Variants in TRAPPC11 observed in about 807,000 individuals in gnomAD.
TRAPPC11 encodes the protein foie gras homolog.
In TRAPPC11, 104 loss-of-function variants were observed where a neutral mutation model predicts 151.2. The observed-to-expected ratio is 0.69, with a 90% CI of 0.59 to 0.81. The LOEUF (loss-of-function observed/expected upper bound fraction) is 0.81. TRAPPC11 is among the 30% of genes least tolerant of loss of function. TRAPPC11 has a pLI of 0.00. For synonymous variants in TRAPPC11, 456 were observed against 472.3 expected (o/e 0.97, Z 0.45); for missense variants, 1,230 against 1,349.6 (o/e 0.91, Z 1.39).
At position 183,697,678 on chromosome 4, in the gene TRAPPC11, G is replaced by A; in HGVS notation, c.2695-1G>A. The A allele has an allele frequency of 6.2e-7, 1 of 1,613,778 alleles. No homozygotes were observed. Among genetic ancestry groups the A allele is most frequent in the Non-Finnish European group, 8.5e-7 (1 of 1,179,898 alleles). ...AGACCTTTTATCTTCATTTGTGACA[G>A]TTTGAGCACCTGGAAAGGGTTTATG... On this transcript the variant is annotated splice_acceptor_variant, in intron 24 of 29. Transcript: ENST00000334690. LOFTEE classifies it high-confidence loss of function.
intron 3 of TRAPPC11, chr4:183,666,748 C>A (rs1168857687): frequency 7.8e-6 from 3 of 386,002 alleles, no homozygotes; most frequent in East Asian, 8.1e-5. Flanking sequence ...ATAATTAATT[C>A]TTTTGGATGA....
Position 183,697,823 on chromosome 4 carries a change from C to A in TRAPPC11, c.2839C>A (p.Gln947Lys), listed in dbSNP as rs1736618451. The stretch of plus-strand genomic sequence containing the variant: ...GACCACAGTGGACCAGCTCGAGTCT[C>A]AAGTGGACAATGGTGAGTCTGGTTC... ...SMTTVDQLES[Q>K]VDNVILQTGE... The change falls in exon 25 of 30, where the codon CAA becomes AAA. Residue 947 changes from glutamine to lysine, a missense_variant. Gln to Lys is a moderately conservative substitution (Grantham distance 53). Transcript: ENST00000334690. The A allele has an allele frequency of 6.2e-7, 1 of 1,613,476 alleles. No homozygotes were observed. Among genetic ancestry groups the A allele is most frequent in the Admixed American group, 1.7e-5 (1 of 59,956 alleles).
chr4:183,667,937 A>G lies in TRAPPC11; in HGVS notation c.446-66A>G, dbSNP rs1168062197. 18 of 1,083,482 alleles carry G rather than the reference A, an allele frequency of 1.7e-5. 1 individual carries two copies. The South Asian group carries it at 2.3e-4, about 14-fold the overall frequency. 67.1% of individuals were successfully genotyped at this position (1,083,482 alleles called of 1,614,324 possible). The stretch of plus-strand genomic sequence containing the variant: ...ATTCTATTTTTTCAGACTTGGGGAA[A>G]TATTTATTTGGGAAGCTACATTAGT... On this transcript the variant is annotated intron_variant, in intron 4 of 29. Transcript: ENST00000334690.
chr4:183,690,936 C>G (rs1193103041), intron 18 of TRAPPC11, among the ~76,000 whole-genome samples: 1 of 152,020 alleles, frequency 6.6e-6, no homozygotes, highest in Non-Finnish European at 1.5e-5. Flanking sequence ...CCACTGCACT[C>G]CAGGTAGGAA....
intron 4 of TRAPPC11, 43 bp downstream of exon 4, chr4:183,667,173 AATTCTT>A: frequency 6.7e-7 from 1 of 1,486,766 alleles, no homozygotes; most frequent in Middle Eastern, 1.8e-4. Context: ...TTATACCTCC[AATTCTT>A]ATTAAAGGGA....
Position 183,697,817 on chromosome 4 carries a change from G to C in TRAPPC11, c.2833G>C (p.Glu945Gln), listed in dbSNP as rs200260429. The part of the protein sequence containing the change: ...APSMTTVDQL[E>Q]SQVDNVILQT... ...ATCCATGACCACAGTGGACCAGCTC[G>C]AGTCTCAAGTGGACAATGGTGAGTC... is the stretch of plus-strand genomic sequence containing the variant. The change falls in exon 25 of 30, where the codon GAG becomes CAG. Residue 945 changes from glutamate (E) to glutamine (Q), a missense_variant. Transcript: ENST00000334690. The C allele has an allele frequency of 2.5e-6, 4 of 1,613,690 alleles. No homozygotes were observed. The highest frequency in any genetic ancestry group is 2.5e-6 in the Non-Finnish European group (3 of 1,179,992).
chr4:183,710,650 C>T (rs368005346), intron 29 of TRAPPC11, among the ~76,000 whole-genome samples: 1 of 151,968 alleles, frequency 6.6e-6, no homozygotes, highest in African/African-American at 2.4e-5. Context: ...AGTACAGATA[C>T]CACTTTCTAG....
Position 183,680,240 on chromosome 4 carries a change from G to A in TRAPPC11, c.1086G>A (p.Gln362=). 6.2e-7 allele frequency: 1 copy of A among 1,613,836 alleles called. No individual in the cohort carries two copies. Among genetic ancestry groups the A allele is most frequent in the Non-Finnish European group, 8.5e-7 (1 of 1,179,918 alleles). ...CATACTATGCCCAGGAGCGGAAACA[G>A]CTTGCAAAAACCCTCTGTAACCACG... ...QAAYYAQERK[Q]LAKTLCNHEA... is the part of the protein sequence containing the mutation. Residue 362 remains glutamine (Q), a synonymous_variant, in exon 10 of 30, where the codon CAG becomes CAA. Coordinates refer to ENST00000334690, the MANE Select transcript of TRAPPC11 (RefSeq NM_021942.6).
chr4:183,693,507 C>T (rs1736364330), intron 20 of TRAPPC11, 82 bp from the exon 21 acceptor site: 6 of 1,459,722 alleles, frequency 4.1e-6, no homozygotes, highest in Non-Finnish European at 5.5e-6. Context: ...CACCCAGCCT[C>T]TTATTTCTTT....
At chr4:183,704,381 C>T (rs965189029) in intron 26 of TRAPPC11, among the ~76,000 whole-genome samples, 5 of 151,840 alleles carry the variant, frequency 3.3e-5, no homozygotes, top group Admixed American at 1.3e-4. Flanking sequence ...ATTAGCTGGG[C>T]GTGGCTTCAC....
At chr4:183,677,150 T>G (rs1184011319) in intron 7 of TRAPPC11, among the ~76,000 whole-genome samples, 1 of 152,272 alleles carries the variant, frequency 6.6e-6, no homozygotes, top group Non-Finnish European at 1.5e-5. Context: ...TACTTATGTT[T>G]TTTAACAGAA....
At chr4:183,706,351 G>C (rs184336229) in intron 27 of TRAPPC11, among the ~76,000 whole-genome samples, 1 of 152,012 alleles carries the variant, frequency 6.6e-6, no homozygotes, top group Non-Finnish European at 1.5e-5. Context: ...GTGAAACCCC[G>C]TCTCTATTAA....
intron 1 of TRAPPC11, among the ~76,000 whole-genome samples, chr4:183,661,863 G>C (rs980685150): frequency 6.9e-6 from 1 of 144,128 alleles, no homozygotes; most frequent in Non-Finnish European, 1.5e-5. Context: ...CTAGACTCAA[G>C]TGATCCTCCC....
rs187186876 is a variant in TRAPPC11 at position 183,702,402 on chromosome 4, A to G, written c.2963+594A>G. ...TTGCAATAGGAAAAAAATGGGGGAA[A>G]AAAACGTAAATGCCCATCAATAGAA... On this transcript the variant is annotated intron_variant, in intron 26 of 29. Coordinates refer to ENST00000334690, the MANE Select transcript of TRAPPC11 (RefSeq NM_021942.6). Among the ~76,000 whole-genome samples, 414 of 152,222 alleles carry G rather than the reference A, an allele frequency of 2.7e-3. 2 individuals carry two copies. The highest frequency in any genetic ancestry group is 9.0e-3 in the African/African-American group (376 of 41,558).
Position 183,666,295 on chromosome 4 carries a change from A to G in TRAPPC11, c.243A>G (p.Leu81=). 6.2e-7 allele frequency: 1 copy of G among 1,614,180 alleles called. No individual in the cohort carries two copies. Among genetic ancestry groups the G allele is most frequent in the Non-Finnish European group, 8.5e-7 (1 of 1,180,010 alleles). The change falls in exon 3 of 30, where the codon TTA becomes TTG. Residue 81 remains leucine (L), a synonymous_variant. Transcript: ENST00000334690. The part of the protein sequence containing the change: ...SYEWYIPKGI[L]KTGWMNKHLN... ...AGTGGTACATTCCTAAAGGGATCTT[A>G]AAGACTGGCTGGATGAATAAGCATC...
Position 183,706,804 on chromosome 4 carries a change from T to C in TRAPPC11, c.3056-3T>C, listed in dbSNP as rs201309690. 16 of 1,611,572 alleles carry C rather than the reference T, an allele frequency of 9.9e-6. No individual in the cohort carries two copies. The East Asian group carries it at 3.3e-4, about 34-fold the overall frequency. On this transcript the variant is annotated splice_polypyrimidine_tract_variant and splice_region_variant and intron_variant, in intron 27 of 29. Transcript: ENST00000334690. ...AAGAGAAGTGTGTCATCTTTCTCTG[T>C]AGATCTGCCGTCATTTGGGCGTGTC...
At chr4:183,697,108 G>A (rs1393372696) in intron 23 of TRAPPC11, among the ~76,000 whole-genome samples, 4 of 152,108 alleles carry the variant, frequency 2.6e-5, no homozygotes, top group Non-Finnish European at 2.9e-5. Context: ...AGGATCACTT[G>A]AGGCTAGGAG....
chr4:183,678,571 A>C (rs1735526372), intron 8 of TRAPPC11, among the ~76,000 whole-genome samples: 1 of 152,236 alleles, frequency 6.6e-6, no homozygotes, highest in Non-Finnish European at 1.5e-5. Flanking sequence ...TTGCAAGATG[A>C]ATAAAGTCAC....
chr4:183,672,719 C>T (rs1307613746), intron 5 of TRAPPC11, among the ~76,000 whole-genome samples: 1 of 152,192 alleles, frequency 6.6e-6, no homozygotes, highest in Non-Finnish European at 1.5e-5. Flanking sequence ...TACTTACTCT[C>T]AGTCTTCTGT....
Sources: gnomAD v4.1 joint callset for allele counts (sites outside exome capture counted in the v4.1 genomes callset) on GRCh38, gnomAD v4.1.1 for gene constraint, MANE v1.5 for transcripts, NCBI Gene and HGNC (gene_info 2026-07-23, HGNC 2026-07-21) for gene names.